Variants in TMEM217 observed in about 807,000 individuals in gnomAD.
TMEM217 encodes chromosome 6 open reading frame 128.
For missense variants in TMEM217, 204 were observed against 248.8 expected (o/e 0.82, Z 1.21); for synonymous variants, 76 against 88.3 (o/e 0.86, Z 0.78).
At chr6:37,254,051 T>C (rs571139171) in intron 1 of TMEM217, among the ~76,000 whole-genome samples, 1 of 152,260 alleles carries the variant, frequency 6.6e-6, no homozygotes, top group Non-Finnish European at 1.5e-5. Flanking sequence ...CAAAATAAAC[T>C]CTTGAGATAA....
chr6:37,234,726 A>C (rs1764398437), intron 1 of TMEM217, among the ~76,000 whole-genome samples: 1 of 151,974 alleles, frequency 6.6e-6, no homozygotes, highest in Non-Finnish European at 1.5e-5. Context: ...ACAGAGTGAG[A>C]CTCCATCTCA....
intron 1 of TMEM217, among the ~76,000 whole-genome samples, chr6:37,239,292 TAGCCTGGG>T (rs1338771506): frequency 6.6e-6 from 1 of 152,072 alleles, no homozygotes; most frequent in African/African-American, 2.4e-5. Flanking sequence ...AGTTTGAGAC[TAGCCTGGG>T]CAAGATGGCA....
At chr6:37,253,455 C>T (rs1020491144) in intron 1 of TMEM217, among the ~76,000 whole-genome samples, 1 of 152,138 alleles carries the variant, frequency 6.6e-6, no homozygotes, top group African/African-American at 2.4e-5. Flanking sequence ...TTCCTATAAC[C>T]TCTTACTTTT....
chr6:37,234,880 G>A (rs189344767), intron 1 of TMEM217, among the ~76,000 whole-genome samples: 1 of 151,986 alleles, frequency 6.6e-6, no homozygotes, highest in Admixed American at 6.6e-5. Context: ...AGAAATGCTG[G>A]TTTTATTATA....
intron 1 of TMEM217, among the ~76,000 whole-genome samples, chr6:37,223,939 CTT>C (rs55894035): frequency 1.6e-4 from 23 of 144,424 alleles, no homozygotes; most frequent in Admixed American, 1.0e-3. Context: ...CTGCCTCAGC[CTT>C]TTTTTTTTTT....
rs902704883 is a variant in TMEM217 at position 37,224,614 on chromosome 6, C to T, written c.-11-5573G>A. On this transcript the variant is annotated intron_variant, in intron 1 of 1. Coordinates refer to ENST00000357219, the Ensembl canonical transcript of TMEM217. ...CTCCTCTCAAAAACAAACAAACAAA[C>T]GAAAAAAAAACCTTTTATTTTTGGA... Among the ~76,000 whole-genome samples the T allele has an allele frequency of 3.3e-4, 16 of 48,876 alleles. No individual in the cohort carries two copies. The East Asian group carries it at 3.4e-3, about 10-fold the overall frequency. 32.1% of individuals were successfully genotyped at this position (48,876 alleles called of 152,430 possible). A position where few individuals can be genotyped will look rare whatever the true frequency, so the allele number is the denominator to read the frequency against.
intron 1 of TMEM217, among the ~76,000 whole-genome samples, chr6:37,239,938 C>T (rs1224294): frequency 0.013 from 2,020 of 151,348 alleles, 38 homozygotes; most frequent in African/African-American, 0.044. Context: ...GGAACAGAGA[C>T]TCAAACAATA....
chr6:37,245,627 A>G (rs964008902), intron 1 of TMEM217, among the ~76,000 whole-genome samples: 2 of 152,180 alleles, frequency 1.3e-5, no homozygotes, highest in African/African-American at 2.4e-5. Flanking sequence ...TATGTGGGAA[A>G]GGGATTTATA....
chr6:37,243,145 T>A (rs1299135282), intron 1 of TMEM217, among the ~76,000 whole-genome samples: 2 of 152,096 alleles, frequency 1.3e-5, no homozygotes, highest in Non-Finnish European at 2.9e-5. Flanking sequence ...TGGAAGGAAA[T>A]AACTAATAAA....
chr6:37,257,432 C>T (rs1765817746), intron 1 of TMEM217, 136 bp downstream of exon 1: 1 of 153,562 alleles, frequency 6.5e-6, no homozygotes, highest in African/African-American at 2.4e-5. Context: ...ACACATGGGC[C>T]CTTACTTTTA....
At chr6:37,241,423 T>C (rs1424632675) in intron 1 of TMEM217, among the ~76,000 whole-genome samples, 1 of 152,172 alleles carries the variant, frequency 6.6e-6, no homozygotes, top group Non-Finnish European at 1.5e-5. Context: ...CTCAGCATTG[T>C]ACCTGGAGAG....
chr6:37,212,979 G>C (rs1356701980), downstream of TMEM217: 1 of 1,543,952 alleles, frequency 6.5e-7, no homozygotes, highest in African/African-American at 1.4e-5. Context: ...TTTTATACTT[G>C]TTTTACCAGA....
chr6:37,256,977 T>A (rs1260629815), intron 1 of TMEM217, among the ~76,000 whole-genome samples: 1 of 152,150 alleles, frequency 6.6e-6, no homozygotes, highest in Non-Finnish European at 1.5e-5. Context: ...GGTGCAAGAT[T>A]TATAATAGAT....
chr6:37,217,242 C>T (rs902184329), downstream of TMEM217, among the ~76,000 whole-genome samples: 1 of 152,256 alleles, frequency 6.6e-6, no homozygotes, highest in African/African-American at 2.4e-5. Flanking sequence ...TGCAGTGAGC[C>T]GAGGTCGCAC....
At chr6:37,229,161 T>G (rs1015097189) in intron 1 of TMEM217, among the ~76,000 whole-genome samples, 1 of 151,896 alleles carries the variant, frequency 6.6e-6, no homozygotes, top group African/African-American at 2.4e-5. Context: ...GGGAGGTGTA[T>G]TTGTATTATT....
downstream of TMEM217, among the ~76,000 whole-genome samples, chr6:37,213,973 G>A (rs1186782327): frequency 6.6e-6 from 1 of 152,204 alleles, no homozygotes; most frequent in Non-Finnish European, 1.5e-5. Flanking sequence ...GGGACAACTT[G>A]TTGGAAGCCT....
chr6:37,252,173 G>A (rs558071813), intron 1 of TMEM217, among the ~76,000 whole-genome samples: 3 of 152,334 alleles, frequency 2.0e-5, no homozygotes, highest in South Asian at 2.1e-4. Flanking sequence ...GATTACAGGC[G>A]TGAGCCACTG....
chr6:37,226,208 T>A (rs1763814297), intron 1 of TMEM217, among the ~76,000 whole-genome samples: 1 of 151,872 alleles, frequency 6.6e-6, no homozygotes, highest in African/African-American at 2.4e-5. Flanking sequence ...TAAAGAGATA[T>A]CTCCCCTTTA....
At chr6:37,225,072 T>A (rs1180380238) in intron 1 of TMEM217, among the ~76,000 whole-genome samples, 1 of 150,916 alleles carries the variant, frequency 6.6e-6, no homozygotes, top group Non-Finnish European at 1.5e-5. Flanking sequence ...TGGTGGCACA[T>A]CCCTGTAATC....
Sources: gnomAD v4.1 joint callset for allele counts (sites outside exome capture counted in the v4.1 genomes callset) on GRCh38, gnomAD v4.1.1 for gene constraint, MANE v1.5 for transcripts, NCBI Gene and HGNC (gene_info 2026-07-23, HGNC 2026-07-21) for gene names.